Variants in ANKFN1 observed in about 807,000 individuals in gnomAD.
The protein encoded by ANKFN1 is ankyrin repeat and fibronectin type III domain containing 1, also known as ankyrin repeat and fibronectin type-III domain-containing protein 1.
In ANKFN1, 74 loss-of-function variants were observed where a neutral mutation model predicts 108.7. The ratio of observed to expected loss-of-function variants is 0.68; its 90% CI spans 0.56 to 0.83. The LOEUF (loss-of-function observed/expected upper bound fraction) is 0.83, where lower values mean the gene tolerates loss of function less well. Among genes scored for constraint, ANKFN1 ranks in the 40% least tolerant of loss-of-function variants. The pLI, the probability that ANKFN1 is intolerant of heterozygous loss-of-function variation, is 0.00. For synonymous variants in ANKFN1, 547 were observed against 516.2 expected, an observed-to-expected ratio of 1.06 and a Z score of -0.81; for missense variants, 1,505 against 1,382.3, an observed-to-expected ratio of 1.09 and a Z score of -1.41.
chr17:56,367,393 G>A (rs1429319101), intron 6 of ANKFN1, among the ~76,000 whole-genome samples: 4 of 151,662 alleles, frequency 2.6e-5, no homozygotes, highest in African/African-American at 7.3e-5. Flanking sequence ...TGTTTATCTC[G>A]GGATTTAAAC....
At position 56,499,016 on chromosome 17, in the gene ANKFN1, C is replaced by A; in HGVS notation, c.2562C>A (p.Ile854=). Residue 854 remains isoleucine (I), a synonymous_variant, in exon 20 of 21, where the codon ATC becomes ATA. Coordinates refer to ENST00000682825, the MANE Select transcript of ANKFN1 (RefSeq NM_001370326.1). ...DPSDEQSLKK[I]NSTSSSHIDC... is the part of the protein sequence containing the mutation. ...CAGATGAGCAGAGCCTAAAGAAGATCAATTCTACATCATCATCACATATAG... is the reference window on the plus strand; with the variant it reads ...CAGATGAGCAGAGCCTAAAGAAGATAAATTCTACATCATCATCACATATAG... 2 of 1,535,722 alleles carry A rather than the reference C, an allele frequency of 1.3e-6. No homozygotes were observed. The highest frequency in any genetic ancestry group is 1.7e-6 in the Non-Finnish European group (2 of 1,146,638).
At chr17:56,054,841 A>G (rs1281789690) in intron 4 of ANKFN1, among the ~76,000 whole-genome samples, 1 of 152,176 alleles carries the variant, frequency 6.6e-6, no homozygotes, top group Non-Finnish European at 1.5e-5. Context: ...AGGTGTGATC[A>G]CACCATTGCA....
chr17:56,383,397 C>G (rs184253899), intron 8 of ANKFN1, among the ~76,000 whole-genome samples: 5 of 152,042 alleles, frequency 3.3e-5, no homozygotes, highest in African/African-American at 4.8e-5. Flanking sequence ...AAAATTGACA[C>G]GCTAATATCA....
chr17:56,324,045 A>T (rs551227821), intron 3 of ANKFN1, among the ~76,000 whole-genome samples: 1 of 152,260 alleles, frequency 6.6e-6, no homozygotes, highest in South Asian at 2.1e-4. Flanking sequence ...GACATAGGAA[A>T]CTGAGCATCC....
At chr17:56,368,084 T>C (rs1411060129) in intron 6 of ANKFN1, 2 of 887,638 alleles carry the variant, frequency 2.3e-6, no homozygotes, top group Non-Finnish European at 3.1e-6. Context: ...CAGAGGCTAG[T>C]AGTTACACTT....
intron 2 of ANKFN1, among the ~76,000 whole-genome samples, chr17:56,218,349 A>G (rs750191335): frequency 1.8e-4 from 27 of 152,006 alleles, no homozygotes; most frequent in Non-Finnish European, 2.9e-4. Flanking sequence ...TGCTGTACAA[A>G]TCCATTCATA....
At chr17:56,125,345 C>T (rs186143267) in intron 4 of ANKFN1, among the ~76,000 whole-genome samples, 1 of 152,144 alleles carries the variant, frequency 6.6e-6, no homozygotes, top group Admixed American at 6.5e-5. Flanking sequence ...CCAAGTGAGA[C>T]TAATACTTGG....
At chr17:56,137,981 T>A (rs1269129638) in intron 4 of ANKFN1, among the ~76,000 whole-genome samples, 1 of 152,148 alleles carries the variant, frequency 6.6e-6, no homozygotes, top group Non-Finnish European at 1.5e-5. Flanking sequence ...AGAACTGGCC[T>A]TCAAAACAGT....
At chr17:56,386,427 T>A (rs1598502444) in intron 8 of ANKFN1, among the ~76,000 whole-genome samples, 1 of 151,854 alleles carries the variant, frequency 6.6e-6, no homozygotes, top group African/African-American at 2.4e-5. Flanking sequence ...CATATGTAAC[T>A]AACCTGCACA....
chr17:56,064,764 A>G (rs905820808), intron 4 of ANKFN1, among the ~76,000 whole-genome samples: 1 of 152,314 alleles, frequency 6.6e-6, no homozygotes, highest in African/African-American at 2.4e-5. Flanking sequence ...CCCTCCCCCC[A>G]GGAGCTAAGT....
At chr17:56,413,783 C>T (rs936222884) in intron 8 of ANKFN1, among the ~76,000 whole-genome samples, 3 of 151,800 alleles carry the variant, frequency 2.0e-5, no homozygotes, top group Non-Finnish European at 4.4e-5. Flanking sequence ...GCAGTGGTGC[C>T]ATCTCAGCTC....
chr17:56,465,696 G>A (rs887531171), intron 14 of ANKFN1, among the ~76,000 whole-genome samples: 2 of 152,154 alleles, frequency 1.3e-5, no homozygotes, highest in African/African-American at 2.4e-5. Context: ...CCTCCATATT[G>A]AGTGTGGCAT....
rs554344723 is a variant in ANKFN1 at position 56,225,991 on chromosome 17, G to A, written c.13-1926G>A. ...GCCAAAGAACGCATTATGTGAGGCA[G>A]CAGTAAAAACTTTTCTCAGTAGGTG... is the stretch of plus-strand genomic sequence containing the variant. On this transcript the variant is annotated intron_variant, in intron 2 of 20. Transcript: ENST00000682825. Among the ~76,000 whole-genome samples the A allele has an allele frequency of 2.0e-5, 3 of 152,312 alleles. No individual in the cohort carries two copies. In the South Asian group the frequency reaches 6.2e-4, roughly 32 times the overall value.
At chr17:56,293,775 C>G (rs534217341) in intron 3 of ANKFN1, among the ~76,000 whole-genome samples, 11 of 152,324 alleles carry the variant, frequency 7.2e-5, no homozygotes, top group African/African-American at 2.4e-4. Context: ...TAAATATTCG[C>G]TACATGAATG....
At chr17:56,158,938 A>C (rs555482009) in intron 1 of ANKFN1, among the ~76,000 whole-genome samples, 18 of 151,444 alleles carry the variant, frequency 1.2e-4, no homozygotes, top group Non-Finnish European at 2.7e-4. Flanking sequence ...TGCTTTATTT[A>C]CAGCAATTTA....
At chr17:56,428,069 C>T (rs1276514309) in intron 8 of ANKFN1, among the ~76,000 whole-genome samples, 3 of 151,922 alleles carry the variant, frequency 2.0e-5, no homozygotes, top group Non-Finnish European at 4.4e-5. Context: ...CCCATCTCTA[C>T]TAAAAATACA....
intron 8 of ANKFN1, among the ~76,000 whole-genome samples, chr17:56,427,262 G>A (rs1259472004): frequency 6.6e-6 from 1 of 152,120 alleles, no homozygotes; most frequent in Non-Finnish European, 1.5e-5. Context: ...GTGACTAAAA[G>A]ATATGAACCT....
At chr17:56,201,007 A>G (rs1914007364) in intron 1 of ANKFN1, among the ~76,000 whole-genome samples, 1 of 152,202 alleles carries the variant, frequency 6.6e-6, no homozygotes, top group Admixed American at 6.5e-5. Flanking sequence ...GGGTAGGACT[A>G]CTGCAATCAT....
intron 6 of ANKFN1, among the ~76,000 whole-genome samples, chr17:56,364,122 G>A (rs562996530): frequency 5.3e-5 from 8 of 152,240 alleles, no homozygotes; most frequent in Non-Finnish European, 1.0e-4. Context: ...TTGAGGTGAT[G>A]AATATGTCTA....
Sources: gnomAD v4.1 joint callset for allele counts (sites outside exome capture counted in the v4.1 genomes callset) on GRCh38, gnomAD v4.1.1 for gene constraint, MANE v1.5 for transcripts, NCBI Gene and HGNC (gene_info 2026-07-23, HGNC 2026-07-21) for gene names.